EIF4ENIF1: variants seen among roughly 807,000 people sequenced by gnomAD.
The protein encoded by EIF4ENIF1 is eukaryotic translation initiation factor 4E transporter.
Under a neutral mutation model 110.5 loss-of-function variants are expected in EIF4ENIF1, and 23 were observed. The ratio of observed to expected loss-of-function variants is 0.21; its 90% CI spans 0.15 to 0.29. The LOEUF is 0.29. Among genes scored for constraint, EIF4ENIF1 ranks in the 10% least tolerant of loss-of-function variants. The probability of loss-of-function intolerance (pLI) is 1.00; values close to 1 mark genes in which losing one functional copy is unlikely to be tolerated. For synonymous variants in EIF4ENIF1, 440 were observed against 437.0 expected, an observed-to-expected ratio of 1.01 and a Z score of -0.09; for missense variants, 1,031 against 1,221.1, an observed-to-expected ratio of 0.84 and a Z score of 2.32.
chr22:31,454,516 A>C (rs1187566073), intron 9 of EIF4ENIF1, 140 bp from the exon 10 acceptor site: 1 of 688,872 alleles, frequency 1.5e-6, no homozygotes, highest in East Asian at 2.7e-5. Flanking sequence ...GACACCAAAA[A>C]TAAACTAATA....
intron 6 of EIF4ENIF1, among the ~76,000 whole-genome samples, chr22:31,459,572 C>T (rs1217891686): frequency 6.6e-6 from 1 of 152,002 alleles, no homozygotes; most frequent in Non-Finnish European, 1.5e-5. Flanking sequence ...ACTTGTCACA[C>T]TGTATAATAG....
chr22:31,455,191 A>G lies in EIF4ENIF1; in HGVS notation c.1224T>C (p.Asp408=). Reference sequence around the variant, plus strand: ...AAAGGCTGGAAAGAAGAGGTTTCAAATCCACTTTGGCTTTCTGTAGCATTT... The same window carrying G: ...AAAGGCTGGAAAGAAGAGGTTTCAAGTCCACTTTGGCTTTCTGTAGCATTT... The part of the protein sequence containing the change: ...ILEMLQKAKV[D]LKPLLSSLSA... The change falls in exon 9 of 19, where the codon GAT becomes GAC. Residue 408 remains aspartate (D), a synonymous_variant. Transcript: ENST00000330125. 1 of 1,613,838 alleles carries G rather than the reference A, an allele frequency of 6.2e-7. No individual in the cohort carries two copies. Among genetic ancestry groups the G allele is most frequent in the Non-Finnish European group, 8.5e-7 (1 of 1,179,920 alleles).
At chr22:31,475,413 T>C (rs1304568924) in intron 2 of EIF4ENIF1, among the ~76,000 whole-genome samples, 1 of 152,072 alleles carries the variant, frequency 6.6e-6, no homozygotes, top group East Asian at 1.9e-4. Context: ...AAGATCAGCC[T>C]GGGCAATATA....
chr22:31,480,070 T>C (rs762594439), intron 2 of EIF4ENIF1, among the ~76,000 whole-genome samples: 1 of 152,150 alleles, frequency 6.6e-6, no homozygotes, highest in Non-Finnish European at 1.5e-5. Context: ...AAGATTACCA[T>C]ATGGCGAATA....
At chr22:31,443,292 G>A in intron 15 of EIF4ENIF1, 198 bp from the exon 16 acceptor site, 1 of 659,302 alleles carries the variant, frequency 1.5e-6, no homozygotes, top group South Asian at 2.2e-5. Context: ...ATTATCCCTT[G>A]CTTACAACTG....
upstream of EIF4ENIF1, among the ~76,000 whole-genome samples, chr22:31,490,935 G>C (rs1396786551): frequency 6.6e-6 from 1 of 152,238 alleles, no homozygotes; most frequent in African/African-American, 2.4e-5. Context: ...TGGGCAGTGA[G>C]TGACCACTAA....
chr22:31,442,628 G>C (rs756091922), intron 16 of EIF4ENIF1, among the ~76,000 whole-genome samples: 1 of 152,164 alleles, frequency 6.6e-6, no homozygotes, highest in African/African-American at 2.4e-5. Flanking sequence ...TAATCTTTCA[G>C]AAGTAAAACT....
intron 5 of EIF4ENIF1, 98 bp from the exon 6 acceptor site, chr22:31,463,231 T>A (rs2051056449): frequency 2.6e-6 from 3 of 1,152,104 alleles, no homozygotes. Context: ...GAAAGGAAGA[T>A]ATGATGCTGT....
At chr22:31,457,553 A>G (rs1027489045) in intron 7 of EIF4ENIF1, among the ~76,000 whole-genome samples, 4 of 152,214 alleles carry the variant, frequency 2.6e-5, no homozygotes, top group African/African-American at 9.6e-5. Flanking sequence ...TACATGGATG[A>G]CAGAATTAGT....
At chr22:31,487,866 C>A (rs2052104807) in intron 2 of EIF4ENIF1, among the ~76,000 whole-genome samples, 1 of 151,760 alleles carries the variant, frequency 6.6e-6, no homozygotes, top group South Asian at 2.1e-4. Flanking sequence ...AGGATATAAC[C>A]CTTCTTGTCA....
At position 31,458,413 on chromosome 22, in the gene EIF4ENIF1, G is replaced by A. The variant is rs2050892760; in HGVS notation, c.963+62C>T. 9 of 1,351,712 alleles carry A rather than the reference G, an allele frequency of 6.7e-6. No individual in the cohort carries two copies. In the South Asian group the frequency reaches 8.0e-5, roughly 12 times the overall value. 83.7% of individuals were successfully genotyped at this position (1,351,712 alleles called of 1,614,324 possible). On this transcript the variant is annotated intron_variant, in intron 7 of 18. Transcript: ENST00000330125. ...TCTAGCAAAACAACACTTTCAAACCGATGTCTTAAATACTCAGGTCAAATT... is the reference window on the plus strand; with the variant it reads ...TCTAGCAAAACAACACTTTCAAACCAATGTCTTAAATACTCAGGTCAAATT...
chr22:31,447,515 T>C lies in EIF4ENIF1; in HGVS notation c.1899A>G (p.Pro633=), dbSNP rs1242872287. The C allele has an allele frequency of 6.2e-7, 1 of 1,612,956 alleles. No homozygotes were observed. The highest frequency in any genetic ancestry group is 2.2e-5 in the East Asian group (1 of 44,818). The change falls in exon 14 of 19, where the codon CCA becomes CCG. Residue 633 remains proline (P), a synonymous_variant. Transcript: ENST00000330125. Reference sequence around the variant, plus strand: ...TTGCTGCCTGTACAGCAAGGTCATGTGGCAAGGCCAGCCCTTCTAAAGCTG... The same window carrying C: ...TTGCTGCCTGTACAGCAAGGTCATGCGGCAAGGCCAGCCCTTCTAAAGCTG... ...QQAALEGLAL[P]HDLAVQAANF...
chr22:31,482,158 C>T (rs2146091226), intron 2 of EIF4ENIF1, among the ~76,000 whole-genome samples: 1 of 144,038 alleles, frequency 6.9e-6, no homozygotes, highest in South Asian at 2.3e-4. Context: ...ACAGTGAGAG[C>T]CTGTCTCAAA....
At chr22:31,490,097 G>A (rs1385141648), upstream of EIF4ENIF1, among the ~76,000 whole-genome samples, 1 of 152,182 alleles carries the variant, frequency 6.6e-6, no homozygotes, top group African/African-American at 2.4e-5. Flanking sequence ...GCGCGCAGGC[G>A]GTCGCCGTGG....
downstream of EIF4ENIF1, among the ~76,000 whole-genome samples, chr22:31,439,039 A>C (rs999196232): frequency 6.6e-6 from 1 of 152,178 alleles, no homozygotes; most frequent in Non-Finnish European, 1.5e-5. Flanking sequence ...TTTCAAGAAA[A>C]ACTTAACTTA....
At chr22:31,454,420 T>C (rs758248973) in intron 9 of EIF4ENIF1, 44 bp from the exon 10 acceptor site, 2 of 1,531,554 alleles carry the variant, frequency 1.3e-6, no homozygotes, top group East Asian at 2.3e-5. Flanking sequence ...CAAAGAGATA[T>C]CTGGTAGGAA....
intron 2 of EIF4ENIF1, among the ~76,000 whole-genome samples, chr22:31,477,575 T>C (rs900695448): frequency 2.0e-5 from 3 of 152,208 alleles, no homozygotes; most frequent in African/African-American, 7.2e-5. Flanking sequence ...ATGCTTAGCA[T>C]ACATAGGTGT....
chr22:31,473,088 G>C (rs940389743), intron 2 of EIF4ENIF1, among the ~76,000 whole-genome samples: 1 of 145,262 alleles, frequency 6.9e-6, no homozygotes, highest in African/African-American at 2.6e-5. Context: ...TTTGACTAGA[G>C]AGTAAATTGC....
intron 2 of EIF4ENIF1, among the ~76,000 whole-genome samples, chr22:31,485,545 G>C (rs1234030700): frequency 6.6e-6 from 1 of 152,176 alleles, no homozygotes; most frequent in African/African-American, 2.4e-5. Context: ...AAAAATACTG[G>C]AAAGGGTGGG....
Sources: allele counts gnomAD v4.1 joint callset (sites outside exome capture counted in the v4.1 genomes callset), GRCh38; gene constraint gnomAD v4.1.1; transcripts MANE v1.5; gene names NCBI Gene and HGNC (gene_info 2026-07-23, HGNC 2026-07-21).